CSMD1: variants seen among roughly 807,000 people sequenced by gnomAD.
CSMD1 encodes the protein CUB and Sushi multiple domains 1, also known as CUB and sushi domain-containing protein 1.
A neutral mutation model predicts 417.5 loss-of-function variants in CSMD1; 213 were observed. That is an observed-to-expected ratio of 0.51 (90% CI 0.46 to 0.57). The LOEUF is 0.57. CSMD1 is among the 20% of genes least tolerant of loss of function. The pLI is 0.00. For synonymous variants in CSMD1, 2,862 were observed against 1,736.8 expected, an observed-to-expected ratio of 1.65 and a Z score of -16.11; for missense variants, 6,923 against 4,529.7, an observed-to-expected ratio of 1.53 and a Z score of -15.17.
At chr8:4,736,257 C>T (rs1243808300) in intron 1 of CSMD1, among the ~76,000 whole-genome samples, 5 of 152,150 alleles carry the variant, frequency 3.3e-5, no homozygotes, top group Admixed American at 3.3e-4. Flanking sequence ...AGTTCTCACA[C>T]TTTTTATTTT....
At chr8:4,481,956 A>G (rs1463219002) in intron 2 of CSMD1, among the ~76,000 whole-genome samples, 2 of 152,056 alleles carry the variant, frequency 1.3e-5, no homozygotes, top group Non-Finnish European at 2.9e-5. Context: ...TTTATGATCC[A>G]TTACTCTTAG....
At chr8:4,447,794 TAAAC>T (rs548609875) in intron 2 of CSMD1, among the ~76,000 whole-genome samples, 309 of 152,232 alleles carry the variant, frequency 2.0e-3, no homozygotes, top group African/African-American at 7.2e-3. Flanking sequence ...GAGAAGAAAA[TAAAC>T]GAACACAACT....
At chr8:3,338,396 G>C in intron 23 of CSMD1, among the ~76,000 whole-genome samples, 1 of 152,322 alleles carries the variant, frequency 6.6e-6, no homozygotes, top group Non-Finnish European at 1.5e-5. Context: ...AATGGAAATT[G>C]TGTAAATCAA....
chr8:4,609,330 G>T (rs1172531765), intron 2 of CSMD1, among the ~76,000 whole-genome samples: 1 of 152,206 alleles, frequency 6.6e-6, no homozygotes, highest in Non-Finnish European at 1.5e-5. Context: ...GAGCCTGGGA[G>T]GCAGAGGTTG....
intron 5 of CSMD1, among the ~76,000 whole-genome samples, chr8:3,763,023 G>A (rs770619866): frequency 1.3e-5 from 2 of 152,152 alleles, no homozygotes; most frequent in Non-Finnish European, 2.9e-5. Context: ...GATTTGTATA[G>A]TTATTTGCTT....
chr8:4,682,696 A>G (rs1045070572), intron 1 of CSMD1, among the ~76,000 whole-genome samples: 1 of 151,856 alleles, frequency 6.6e-6, no homozygotes, highest in Admixed American at 6.6e-5. Context: ...TACCTTGGAA[A>G]AATGATACTC....
chr8:4,806,451 G>GCTTCCCTC (rs201393999), intron 1 of CSMD1, among the ~76,000 whole-genome samples: 8,400 of 152,188 alleles, frequency 0.055, 378 homozygotes, highest in East Asian at 0.23. Flanking sequence ...TCAACACCCT[G>GCTTCCCTC]CCTGCTTCCC....
At chr8:3,560,482 T>A (rs995153018) in intron 10 of CSMD1, among the ~76,000 whole-genome samples, 3 of 152,174 alleles carry the variant, frequency 2.0e-5, no homozygotes, top group Non-Finnish European at 4.4e-5. Context: ...ATTCTTCTCA[T>A]GCTGTATTAG....
intron 2 of CSMD1, among the ~76,000 whole-genome samples, chr8:4,616,652 C>A (rs11991748): frequency 1.3e-3 from 203 of 152,266 alleles, no homozygotes; most frequent in African/African-American, 4.6e-3. Flanking sequence ...CATGCCAACG[C>A]TTGAGAAAGA....
intron 3 of CSMD1, among the ~76,000 whole-genome samples, chr8:4,227,505 G>A (rs188325895): frequency 2.6e-5 from 4 of 152,146 alleles, no homozygotes; most frequent in South Asian, 2.1e-4. Flanking sequence ...CTGGAGGAGC[G>A]CATTAAATCC....
At chr8:4,899,068 C>T (rs934110999) in intron 1 of CSMD1, among the ~76,000 whole-genome samples, 1 of 152,000 alleles carries the variant, frequency 6.6e-6, no homozygotes, top group East Asian at 1.9e-4. Flanking sequence ...AAAATGTAGC[C>T]CTATCCTGTG....
At chr8:4,213,803 T>C (rs982750435) in intron 3 of CSMD1, among the ~76,000 whole-genome samples, 1 of 152,032 alleles carries the variant, frequency 6.6e-6, no homozygotes, top group Admixed American at 6.5e-5. Flanking sequence ...CAAACTAACT[T>C]GCATTGAGAA....
chr8:4,812,475 A>G (rs1297747814), intron 1 of CSMD1, among the ~76,000 whole-genome samples: 2 of 152,220 alleles, frequency 1.3e-5, no homozygotes, highest in Non-Finnish European at 2.9e-5. Context: ...TAGAAATAAT[A>G]CTTAAGTTGA....
chr8:4,363,093 C>A (rs1250061957), intron 3 of CSMD1, among the ~76,000 whole-genome samples: 2 of 152,128 alleles, frequency 1.3e-5, no homozygotes, highest in Non-Finnish European at 2.9e-5. Flanking sequence ...CACAGTGGAT[C>A]ATAATATCAG....
intron 3 of CSMD1, among the ~76,000 whole-genome samples, chr8:4,056,914 C>T (rs549874209): frequency 6.6e-6 from 1 of 152,252 alleles, no homozygotes; most frequent in East Asian, 1.9e-4. Context: ...ATGTGCCACA[C>T]TTTCTTAATC....
At chr8:3,502,580 T>C (rs1200093633) in intron 10 of CSMD1, among the ~76,000 whole-genome samples, 2 of 152,076 alleles carry the variant, frequency 1.3e-5, no homozygotes, top group African/African-American at 2.4e-5. Context: ...GAAAACTAAA[T>C]ATATTTTACC....
chr8:3,944,905 C>G (rs144495180), intron 5 of CSMD1, among the ~76,000 whole-genome samples: 2 of 152,134 alleles, frequency 1.3e-5, no homozygotes, highest in East Asian at 1.9e-4. Context: ...TCCCCACAAT[C>G]AGTGTTTCTG....
intron 5 of CSMD1, among the ~76,000 whole-genome samples, chr8:3,849,755 T>A (rs1803763061): frequency 6.6e-6 from 1 of 152,160 alleles, no homozygotes; most frequent in African/African-American, 2.4e-5. Context: ...CTTGTACAAA[T>A]ATCTTTTGAG....
At chr8:4,404,796 A>C (rs1023684833) in intron 3 of CSMD1, among the ~76,000 whole-genome samples, 1 of 152,168 alleles carries the variant, frequency 6.6e-6, no homozygotes. Context: ...ACTTGAACTA[A>C]ATATGTTCTA....
Sources: allele counts gnomAD v4.1 joint callset (sites outside exome capture counted in the v4.1 genomes callset), GRCh38; gene constraint gnomAD v4.1.1; transcripts MANE v1.5; gene names NCBI Gene and HGNC (gene_info 2026-07-23, HGNC 2026-07-21).